The following MKX variants were observed in gnomAD, a reference collection of about 807,000 sequenced individuals.
The protein encoded by MKX is mohawk homeobox.
MKX carries 13 observed loss-of-function variants against 36.0 expected under a neutral mutation model. That is an observed-to-expected ratio of 0.36 (90% CI 0.24 to 0.57). The LOEUF (loss-of-function observed/expected upper bound fraction) is 0.57, where lower values mean the gene tolerates loss of function less well. Ranked by LOEUF, MKX falls within the 20% of genes least tolerant of loss-of-function variation. MKX has a pLI of 0.79. For synonymous variants in MKX, 176 were observed against 178.3 expected (o/e 0.99, Z 0.10); for missense variants, 458 against 456.4 (o/e 1.00, Z -0.03).
At chr10:27,723,079 G>A (rs1244377539) in intron 5 of MKX, among the ~76,000 whole-genome samples, 6 of 151,882 alleles carry the variant, frequency 4.0e-5, no homozygotes, top group East Asian at 1.9e-4. Flanking sequence ...AATAGTCCTC[G>A]CACACCTTTC....
At chr10:27,745,126 T>TC (rs569165302) in intron 1 of MKX, among the ~76,000 whole-genome samples, 244 of 152,204 alleles carry the variant, frequency 1.6e-3, no homozygotes, top group Non-Finnish European at 3.1e-3. Context: ...GGCCCGGCCT[T>TC]CTCCGAGCCA....
In MKX at chr10:27,742,989, C is replaced by T. The variant is rs574255396; in HGVS notation, c.188+239G>A. On this transcript the variant is annotated intron_variant, in intron 2 of 6. Coordinates refer to ENST00000419761, the MANE Select transcript of MKX (RefSeq NM_173576.3). This position sits in a 1 kb window ranked among gnomAD's most constrained non-coding sequence, Gnocchi z 4.2. ...CGGAGGGCCGAGGGGCAGCTCCTGG[C>T]GCCCTTAGTCTCCACCAAGCTCTTT... Among the ~76,000 whole-genome samples, 1 of 152,244 alleles carries T rather than the reference C, an allele frequency of 6.6e-6. No homozygotes were observed. Among genetic ancestry groups the T allele is most frequent in the East Asian group, 1.9e-4 (1 of 5,192 alleles).
chr10:27,732,942 G>T (rs1053463908), intron 5 of MKX, among the ~76,000 whole-genome samples: 5 of 152,010 alleles, frequency 3.3e-5, no homozygotes, highest in African/African-American at 9.7e-5. Flanking sequence ...AGCAATGGGG[G>T]TCTCACCATA....
At chr10:27,728,903 C>T (rs1834554236) in intron 5 of MKX, among the ~76,000 whole-genome samples, 2 of 152,196 alleles carry the variant, frequency 1.3e-5, no homozygotes. Context: ...GTTCCTCTTT[C>T]CCCAGTAACC....
At chr10:27,681,374 C>A (rs182326605) in intron 5 of MKX, among the ~76,000 whole-genome samples, 23 of 151,892 alleles carry the variant, frequency 1.5e-4, no homozygotes, top group Non-Finnish European at 7.4e-5. Context: ...GCTGGAACCC[C>A]GCAGGCGGAG....
rs1285468700 is a variant in MKX at position 27,689,278 on chromosome 10, G to C, written c.839-13724C>G. 5.9e-5 allele frequency among the ~76,000 whole-genome samples: 9 copies of C among 152,090 alleles called. No homozygotes were observed. In the South Asian group the frequency reaches 8.3e-4, roughly 14 times the overall value. On this transcript the variant is annotated intron_variant, in intron 5 of 6. Coordinates refer to ENST00000419761, the MANE Select transcript of MKX (RefSeq NM_173576.3). ...GCAAACGGCAGTTTTTCTACTCACT[G>C]TTCATCTGCTGTATTTACTACTAGA...
At chr10:27,687,594 T>A (rs886435164) in intron 5 of MKX, among the ~76,000 whole-genome samples, 1 of 152,116 alleles carries the variant, frequency 6.6e-6, no homozygotes, top group African/African-American at 2.4e-5. Flanking sequence ...CCAGTGGAGG[T>A]GCAGGAAGCG....
chr10:27,732,828 G>T (rs532448015), intron 5 of MKX, among the ~76,000 whole-genome samples: 1 of 152,114 alleles, frequency 6.6e-6, no homozygotes, highest in Admixed American at 6.6e-5. Context: ...GCTCACTGCA[G>T]CCTTGATCTC....
intron 5 of MKX, among the ~76,000 whole-genome samples, chr10:27,729,692 A>C (rs961526288): frequency 3.3e-5 from 5 of 152,164 alleles, no homozygotes; most frequent in Non-Finnish European, 7.4e-5. Context: ...GAGCAAAACA[A>C]GAGGGGAACT....
At chr10:27,738,462 G>T (rs1834824912) in intron 3 of MKX, among the ~76,000 whole-genome samples, 1 of 151,970 alleles carries the variant, frequency 6.6e-6, no homozygotes, top group South Asian at 2.1e-4. Context: ...ACATGAAACA[G>T]GTCTCCTTAA....
chr10:27,686,802 T>C (rs991459151), intron 5 of MKX, among the ~76,000 whole-genome samples: 1 of 152,030 alleles, frequency 6.6e-6, no homozygotes, highest in African/African-American at 2.4e-5. Context: ...ATAAAGCCAG[T>C]GTTGCTTCCA....
At chr10:27,734,356 T>A in intron 5 of MKX, 100 bp downstream of exon 5, 1 of 1,073,150 alleles carries the variant, frequency 9.3e-7, no homozygotes, top group Non-Finnish European at 1.4e-6. Flanking sequence ...ATGTGAATAA[T>A]CTGATGTCTT....
intron 5 of MKX, among the ~76,000 whole-genome samples, chr10:27,708,045 T>C (rs1589672573): frequency 6.6e-6 from 1 of 152,334 alleles, no homozygotes; most frequent in African/African-American, 2.4e-5. Flanking sequence ...ATACATTTTC[T>C]AAATAACGTT....
intron 5 of MKX, among the ~76,000 whole-genome samples, chr10:27,733,532 G>C (rs1044874171): frequency 4.6e-5 from 7 of 152,214 alleles, no homozygotes; most frequent in Non-Finnish European, 1.0e-4. Flanking sequence ...ATCTGGAGGA[G>C]AGTACCTACT....
At chr10:27,719,080 T>G (rs1247206853) in intron 5 of MKX, among the ~76,000 whole-genome samples, 1 of 152,192 alleles carries the variant, frequency 6.6e-6, no homozygotes, top group Admixed American at 6.5e-5. Context: ...TATTAATTTC[T>G]CTCTCGAAAT....
At chr10:27,716,436 C>CAAA (rs56913373) in intron 5 of MKX, among the ~76,000 whole-genome samples, 2,430 of 127,480 alleles carry the variant, frequency 0.019, 82 homozygotes, top group African/African-American at 0.058. Flanking sequence ...AAAAAAAAAG[C>CAAA]AAAAAAAAAA....
intron 5 of MKX, among the ~76,000 whole-genome samples, chr10:27,711,499 T>TTTCTTCCTTCC (rs1836867310): frequency 1.1e-5 from 1 of 93,032 alleles, no homozygotes; most frequent in Non-Finnish European, 2.0e-5. Context: ...CTCTCTCTTC[T>TTTCTTCCTTCC]TTCCTTCCTT....
In MKX at chr10:27,743,310, T is replaced by G; in HGVS notation, c.106A>C (p.Ser36Arg). 3 of 1,565,070 alleles carry G rather than the reference T, an allele frequency of 1.9e-6. No individual in the cohort carries two copies. Among genetic ancestry groups the G allele is most frequent in the Non-Finnish European group, 2.6e-6 (3 of 1,160,868 alleles). The change falls in exon 2 of 7, where the codon AGT becomes CGT. Residue 36 changes from serine (S) to arginine (R), a missense_variant. Coordinates refer to ENST00000419761, the MANE Select transcript of MKX (RefSeq NM_173576.3). Reference protein sequence around the residue: ...GGRPYSGVLDSPHARPEVGIP... With the variant: ...GGRPYSGVLDRPHARPEVGIP... Reference sequence around the variant, plus strand: ...CCCACCTCGGGGCGGGCGTGAGGACTGTCCAGGACACCGCTGTAGGGCCGG... The same window carrying G: ...CCCACCTCGGGGCGGGCGTGAGGACGGTCCAGGACACCGCTGTAGGGCCGG...
chr10:27,727,332 C>T (rs538205559), intron 5 of MKX, among the ~76,000 whole-genome samples: 1 of 152,350 alleles, frequency 6.6e-6, no homozygotes, highest in Non-Finnish European at 1.5e-5. Context: ...TGGAAAGCCA[C>T]CCCTGAAGGA....
Sources: gnomAD v4.1 joint callset for allele counts (sites outside exome capture counted in the v4.1 genomes callset) on GRCh38, gnomAD v4.1.1 for gene constraint, Gnocchi (gnomAD v3.1) non-coding constraint, MANE v1.5 for transcripts, NCBI Gene and HGNC (gene_info 2026-07-23, HGNC 2026-07-21) for gene names.